The following SCAF8 variants were observed in gnomAD, a reference collection of about 807,000 sequenced individuals.
SCAF8 encodes SR-related and CTD-associated factor 8.
SCAF8 carries 23 observed loss-of-function variants against 140.5 expected under a neutral mutation model. The observed-to-expected ratio is 0.16, with a 90% CI of 0.12 to 0.23. The LOEUF (loss-of-function observed/expected upper bound fraction) is 0.23. SCAF8 is among the 10% of genes least tolerant of loss of function. SCAF8 has a pLI of 1.00. For missense variants in SCAF8, 1,397 were observed against 1,555.7 expected (o/e 0.90, Z 1.72); for synonymous variants, 575 against 528.9 (o/e 1.09, Z -1.20).
intron 1 of SCAF8, among the ~76,000 whole-genome samples, chr6:154,760,334 C>CT (rs1241716388): frequency 3.9e-5 from 6 of 151,954 alleles, no homozygotes; most frequent in Admixed American, 2.0e-4. Flanking sequence ...TTCTTTTCTT[C>CT]TTTTTTTTAA....
At chr6:154,805,341 A>G in intron 8 of SCAF8, 28 bp from the exon 9 acceptor site, 3 of 1,352,440 alleles carry the variant, frequency 2.2e-6, no homozygotes, top group Non-Finnish European at 2.1e-6. Flanking sequence ...GGGTTTTAAA[A>G]TATGTTTCCA....
intron 1 of SCAF8, among the ~76,000 whole-genome samples, chr6:154,768,693 C>G (rs1356288838): frequency 6.6e-6 from 1 of 152,164 alleles, no homozygotes; most frequent in Non-Finnish European, 1.5e-5. Context: ...TATTGCTAGG[C>G]TATGCAGTTC....
intron 6 of SCAF8, among the ~76,000 whole-genome samples, chr6:154,798,217 A>T (rs572698908): frequency 6.6e-6 from 1 of 151,710 alleles, no homozygotes; most frequent in Non-Finnish European, 1.5e-5. Flanking sequence ...TCATGGGAGA[A>T]GTTTAGAAAA....
chr6:154,734,282 C>T (rs1223936424), intron 1 of SCAF8, among the ~76,000 whole-genome samples: 1 of 152,228 alleles, frequency 6.6e-6, no homozygotes, highest in Non-Finnish European at 1.5e-5. Flanking sequence ...CACCTCCTTC[C>T]TGGGCCTTTG....
chr6:154,736,265 C>CTTTTT (rs71021071), intron 1 of SCAF8, among the ~76,000 whole-genome samples: 20 of 78,442 alleles, frequency 2.5e-4, no homozygotes, highest in African/African-American at 1.0e-3. Context: ...CCATCCAAGA[C>CTTTTT]TTTTTTTTTT....
chr6:154,822,758 AATG>A (rs1583067515), intron 16 of SCAF8, among the ~76,000 whole-genome samples: 2 of 152,274 alleles, frequency 1.3e-5, no homozygotes, highest in South Asian at 4.1e-4. Context: ...TATTTTTAGA[AATG>A]ATGTCATTCA....
chr6:154,823,827 A>G, intron 16 of SCAF8, among the ~76,000 whole-genome samples: 1 of 152,338 alleles, frequency 6.6e-6, no homozygotes, highest in East Asian at 1.9e-4. Flanking sequence ...AGTAAAAGGT[A>G]CTTATGCTAG....
At chr6:154,811,395 G>T (rs1014367606) in intron 12 of SCAF8, among the ~76,000 whole-genome samples, 18 of 143,312 alleles carry the variant, frequency 1.3e-4, no homozygotes, top group South Asian at 2.2e-4. Flanking sequence ...TGTTTACACA[G>T]TTTTTTTTTT....
intron 1 of SCAF8, among the ~76,000 whole-genome samples, chr6:154,735,354 A>G (rs933520334): frequency 1.3e-5 from 2 of 152,184 alleles, no homozygotes; most frequent in African/African-American, 4.8e-5. Flanking sequence ...TTTAAAAAGA[A>G]AAACAGTATT....
In SCAF8 at chr6:154,741,721, T is replaced by C. The variant is rs559015909; in HGVS notation, c.30+7791T>C. On this transcript the variant is annotated intron_variant, in intron 1 of 19. Transcript: ENST00000367178. The stretch of plus-strand genomic sequence containing the variant: ...CGCGCCCGGCCCGTTTGCATCTTTT[T>C]CAGAAGGGGTATCAGTGGCTTAGAA... 2.6e-5 allele frequency among the ~76,000 whole-genome samples: 4 copies of C among 152,298 alleles called. No homozygotes were observed. In the East Asian group the frequency reaches 7.7e-4, roughly 29 times the overall value.
intron 4 of SCAF8, among the ~76,000 whole-genome samples, chr6:154,789,753 G>A (rs1382477249): frequency 6.6e-6 from 1 of 151,992 alleles, no homozygotes; most frequent in African/African-American, 2.4e-5. Context: ...CACCGTGTTA[G>A]CCAGGATGGT....
At chr6:154,812,401 A>G (rs1367864660) in intron 12 of SCAF8, among the ~76,000 whole-genome samples, 1 of 151,280 alleles carries the variant, frequency 6.6e-6, no homozygotes, top group Admixed American at 6.6e-5. Flanking sequence ...GTGTAGTGTA[A>G]ACATATCTTT....
intron 9 of SCAF8, among the ~76,000 whole-genome samples, chr6:154,806,455 T>G (rs1048517115): frequency 3.9e-5 from 6 of 152,176 alleles, no homozygotes; most frequent in African/African-American, 1.4e-4. Flanking sequence ...GTGTTACTTG[T>G]TAGGCAAGTG....
At chr6:154,770,388 ACTCTCTCTCTCT>A (rs58596375) in intron 1 of SCAF8, among the ~76,000 whole-genome samples, 2,988 of 141,940 alleles carry the variant, frequency 0.021, 36 homozygotes, top group African/African-American at 0.036. Context: ...ACACACACAC[ACTCTCTCTCTCT>A]CTCTCTCTCT....
chr6:154,763,819 A>T (rs1776473061), intron 1 of SCAF8, among the ~76,000 whole-genome samples: 1 of 152,118 alleles, frequency 6.6e-6, no homozygotes, highest in African/African-American at 2.4e-5. Context: ...TTTTGTAAGT[A>T]AGTTCTGTTG....
At chr6:154,779,773 GTGTGTGTGTA>G (rs1192783184) in intron 3 of SCAF8, among the ~76,000 whole-genome samples, 13 of 91,606 alleles carry the variant, frequency 1.4e-4, no homozygotes, top group Non-Finnish European at 2.3e-4. Context: ...GTGTGTGTGT[GTGTGTGTGTA>G]TATATATATA....
At chr6:154,799,412 C>T (rs990465865) in intron 6 of SCAF8, among the ~76,000 whole-genome samples, 12 of 151,342 alleles carry the variant, frequency 7.9e-5, no homozygotes, top group Non-Finnish European at 5.9e-5. Flanking sequence ...CGTGCCTGCA[C>T]TAAAATCCCA....
intron 1 of SCAF8, among the ~76,000 whole-genome samples, chr6:154,746,471 A>G (rs1363699982): frequency 2.0e-5 from 3 of 152,148 alleles, no homozygotes; most frequent in African/African-American, 7.2e-5. Context: ...AAAAGCCATG[A>G]ATTCATCATA....
intron 3 of SCAF8, among the ~76,000 whole-genome samples, chr6:154,779,055 C>T (rs936449038): frequency 6.6e-6 from 1 of 152,048 alleles, no homozygotes; most frequent in East Asian, 1.9e-4. Context: ...GTTTTTGAGA[C>T]GGAGTCTCAC....
Sources: gnomAD v4.1 joint callset for allele counts (sites outside exome capture counted in the v4.1 genomes callset) on GRCh38, gnomAD v4.1.1 for gene constraint, MANE v1.5 for transcripts, NCBI Gene and HGNC (gene_info 2026-07-23, HGNC 2026-07-21) for gene names.